MGAT4C: variants seen among roughly 807,000 people sequenced by gnomAD.
MGAT4C encodes the protein MGAT4 family member C, also known as alpha-1,3-mannosyl-glycoprotein 4-beta-N-acetylglucosaminyltransferase C.
A neutral mutation model predicts 40.1 loss-of-function variants in MGAT4C; 19 were observed. The observed-to-expected ratio is 0.47, with a 90% CI of 0.33 to 0.70. MGAT4C has a LOEUF of 0.70. Among genes scored for constraint, MGAT4C ranks in the 30% least tolerant of loss-of-function variants. MGAT4C has a pLI of 0.02. For missense variants in MGAT4C, 491 were observed against 563.2 expected (o/e 0.87, Z 1.30); for synonymous variants, 181 against 187.1 (o/e 0.97, Z 0.27).
chr12:86,408,473 C>CTATATATATA (rs1210910694), intron 3 of MGAT4C, among the ~76,000 whole-genome samples: 2 of 108,138 alleles, frequency 1.8e-5, no homozygotes, highest in East Asian at 3.0e-4. Flanking sequence ...CTCTCTCTCT[C>CTATATATATA]TCTCTCTATA....
intron 2 of MGAT4C, among the ~76,000 whole-genome samples, chr12:86,641,711 TG>T (rs1333124204): frequency 6.6e-6 from 1 of 151,628 alleles, no homozygotes; most frequent in Non-Finnish European, 1.5e-5. Context: ...AATAGGATTG[TG>T]TGATAACAGC....
intron 2 of MGAT4C, among the ~76,000 whole-genome samples, chr12:86,682,129 G>T (rs1045604199): frequency 5.3e-5 from 8 of 151,956 alleles, no homozygotes; most frequent in African/African-American, 1.9e-4. Flanking sequence ...AATCTTGATA[G>T]TTTCATATAT....
chr12:86,225,602 A>G (rs1481407957), intron 1 of MGAT4C, among the ~76,000 whole-genome samples: 1 of 152,096 alleles, frequency 6.6e-6, no homozygotes, highest in Non-Finnish European at 1.5e-5. Context: ...GCACCATGAT[A>G]AAGTGTGATA....
intron 1 of MGAT4C, among the ~76,000 whole-genome samples, chr12:86,255,801 A>C (rs1183523465): frequency 6.6e-6 from 1 of 152,136 alleles, no homozygotes; most frequent in African/African-American, 2.4e-5. Flanking sequence ...ACTGTCCCAA[A>C]GAACTGCCAT....
chr12:86,483,645 G>A (rs1235941314), intron 2 of MGAT4C, among the ~76,000 whole-genome samples: 1 of 151,394 alleles, frequency 6.6e-6, no homozygotes, highest in Non-Finnish European at 1.5e-5. Flanking sequence ...GCATTATGGA[G>A]AGTGATTCTA....
At chr12:86,695,071 G>GA (rs1458377012) in intron 2 of MGAT4C, among the ~76,000 whole-genome samples, 8 of 152,060 alleles carry the variant, frequency 5.3e-5, no homozygotes, top group African/African-American at 1.4e-4. Context: ...AACTCTACAG[G>GA]AAAAAATCAA....
intron 1 of MGAT4C, among the ~76,000 whole-genome samples, chr12:86,764,392 C>A (rs993365206): frequency 6.6e-6 from 1 of 152,158 alleles, no homozygotes; most frequent in Non-Finnish European, 1.5e-5. Context: ...CACCACAGCT[C>A]AAGGAGGCCT....
At chr12:86,442,613 A>T (rs1303996373) in intron 2 of MGAT4C, among the ~76,000 whole-genome samples, 1 of 152,024 alleles carries the variant, frequency 6.6e-6, no homozygotes, top group East Asian at 1.9e-4. Flanking sequence ...TCCTTTCCCC[A>T]TTTCTTGTTT....
In MGAT4C at chr12:86,679,740, G is replaced by A. The variant is rs144375416; in HGVS notation, c.-229+47469C>T. Among the ~76,000 whole-genome samples, 13 of 152,190 alleles carry A rather than the reference G, an allele frequency of 8.5e-5. 2 individuals are homozygous for A. Among genetic ancestry groups the A allele is most frequent in the African/African-American group, 2.6e-4 (11 of 41,558 alleles). On this transcript the variant is annotated intron_variant, in intron 2 of 7. Transcript: ENST00000548651. ...ACTTTTCTGTTATATAAACCAAGAA[G>A]TGGAACCTCTAAAGATGTCAAATTA...
chr12:86,503,910 T>C (rs1490409393), intron 2 of MGAT4C, among the ~76,000 whole-genome samples: 5 of 148,692 alleles, frequency 3.4e-5, no homozygotes, highest in Non-Finnish European at 6.0e-5. Context: ...GAAAAGACTT[T>C]TGAAATTTAT....
At chr12:86,752,487 T>A (rs185052666) in intron 1 of MGAT4C, among the ~76,000 whole-genome samples, 4,992 of 152,154 alleles carry the variant, frequency 0.033, 272 homozygotes, top group African/African-American at 0.11. Flanking sequence ...TCTTTTAGAT[T>A]TTCATAATAG....
At chr12:86,171,192 A>G (rs954152271) in intron 1 of MGAT4C, among the ~76,000 whole-genome samples, 1 of 152,064 alleles carries the variant, frequency 6.6e-6, no homozygotes, top group East Asian at 1.9e-4. Flanking sequence ...CAACATAGAG[A>G]AACCGTGTCT....
At chr12:86,198,361 T>G (rs974771245) in intron 1 of MGAT4C, among the ~76,000 whole-genome samples, 1 of 152,210 alleles carries the variant, frequency 6.6e-6, no homozygotes, top group Non-Finnish European at 1.5e-5. Context: ...AGAATATTTT[T>G]TCCACAATCT....
chr12:86,361,186 T>G (rs927081232), intron 3 of MGAT4C, among the ~76,000 whole-genome samples: 7 of 151,974 alleles, frequency 4.6e-5, no homozygotes, highest in Admixed American at 2.0e-4. Context: ...ATACCACACA[T>G]CTACAACCAT....
At chr12:86,081,679 G>T (rs542947542) in intron 1 of MGAT4C, among the ~76,000 whole-genome samples, 2 of 152,202 alleles carry the variant, frequency 1.3e-5, no homozygotes, top group South Asian at 2.1e-4. Context: ...TGTGCATGAA[G>T]CTTGCACATT....
chr12:86,555,120 G>A (rs976561614), intron 2 of MGAT4C, among the ~76,000 whole-genome samples: 3 of 151,196 alleles, frequency 2.0e-5, no homozygotes, highest in Non-Finnish European at 4.4e-5. Flanking sequence ...GGCCTATATG[G>A]ATAATACTAG....
intron 1 of MGAT4C, among the ~76,000 whole-genome samples, chr12:86,089,868 G>A (rs917104024): frequency 2.0e-5 from 3 of 151,774 alleles, no homozygotes; most frequent in African/African-American, 7.2e-5. Context: ...CATAGGTGAT[G>A]TAGTTGATTT....
At position 86,742,348 on chromosome 12, in the gene MGAT4C, T is replaced by C. The variant is rs190231802; in HGVS notation, c.-261-15107A>G. 4.6e-5 allele frequency among the ~76,000 whole-genome samples: 7 copies of C among 151,652 alleles called. No individual in the cohort carries two copies. In the East Asian group the frequency reaches 9.7e-4, roughly 21 times the overall value. On this transcript the variant is annotated intron_variant, in intron 1 of 7. Coordinates refer to the MGAT4C transcript ENST00000548651. Reference sequence around the variant, plus strand: ...TTGTAGAGTATACTTCCTTAATTGATTAATATTAAGCATGGCTCTTTAACT... The same window carrying C: ...TTGTAGAGTATACTTCCTTAATTGACTAATATTAAGCATGGCTCTTTAACT...
At chr12:86,581,009 T>C (rs907635269) in intron 2 of MGAT4C, among the ~76,000 whole-genome samples, 5 of 151,472 alleles carry the variant, frequency 3.3e-5, no homozygotes, top group Admixed American at 2.0e-4. Flanking sequence ...GCATAGTGGG[T>C]TGGCACTTAG....
Sources: gnomAD v4.1 joint callset for allele counts (sites outside exome capture counted in the v4.1 genomes callset) on GRCh38, gnomAD v4.1.1 for gene constraint, MANE v1.5 for transcripts, NCBI Gene and HGNC (gene_info 2026-07-23, HGNC 2026-07-21) for gene names.